The following MDGA1 variants were observed in gnomAD, a reference collection of about 807,000 sequenced individuals.
MDGA1 encodes the protein MAM domain-containing glycosylphosphatidylinositol anchor protein 1.
In MDGA1, 54 loss-of-function variants were observed where a neutral mutation model predicts 101.5. That is an observed-to-expected ratio of 0.53 (90% CI 0.43 to 0.67). The LOEUF (loss-of-function observed/expected upper bound fraction) is 0.67, where lower values mean the gene tolerates loss of function less well. MDGA1 is among the 30% of genes least tolerant of loss of function. The pLI is 0.00. For synonymous variants in MDGA1, 533 were observed against 558.3 expected (o/e 0.95, Z 0.64); for missense variants, 1,083 against 1,323.8 (o/e 0.82, Z 2.82).
In MDGA1 at chr6:37,649,056, C is replaced by CA; in HGVS notation, c.1819_1820insT (p.Arg607LeufsTer112). ...GCACTCGTAGCTGCCGCTGCTGTCGCGAGTTACGGCGTCGAGGCGCAGCTC... is the reference window on the plus strand; with the variant it reads ...GCACTCGTAGCTGCCGCTGCTGTCGCAGAGTTACGGCGTCGAGGCGCAGCTC... On this transcript the variant is annotated frameshift_variant, in exon 9 of 17. Transcript: ENST00000434837. LOFTEE classifies it high-confidence loss of function. 6.5e-7 allele frequency: 1 copy of CA among 1,543,162 alleles called. No individual in the cohort carries two copies. The highest frequency in any genetic ancestry group is 8.7e-7 in the Non-Finnish European group (1 of 1,144,734).
Position 37,642,003 on chromosome 6 carries a change from C to T in MDGA1, c.2536+1806G>A, listed in dbSNP as rs183355799. 1.4e-4 allele frequency: 21 copies of T among 152,126 alleles called. 1 individual carries two copies. In the East Asian group the frequency reaches 2.1e-3, roughly 15 times the overall value. 9.4% of individuals were successfully genotyped at this position (152,126 alleles called of 1,614,324 possible). ...TATCTACATTTGCTTAAAGTCACTC[C>T]GTCTACCATTACGGCTGAGGAAAAC... On this transcript the variant is annotated intron_variant, in intron 14 of 16. Transcript: ENST00000434837.
At chr6:37,667,078 C>G (rs1440992641) in intron 1 of MDGA1, among the ~76,000 whole-genome samples, 6 of 152,172 alleles carry the variant, frequency 3.9e-5, no homozygotes, top group Admixed American at 3.9e-4. Flanking sequence ...TAGGGCCTTC[C>G]CCCAACACTG....
Position 37,660,036 on chromosome 6 carries a change from CT to C in MDGA1, c.208-1618del, listed in dbSNP as rs11438604. ...CAAAATTCTCAGTCTTTATCTCTCT[CT>C]TTTTTTTTTTTTAATCACTAGAGAT... is the stretch of plus-strand genomic sequence containing the variant. On this transcript the variant is annotated intron_variant, in intron 2 of 16. Transcript: ENST00000434837. 1.5e-3 allele frequency among the ~76,000 whole-genome samples: 216 copies of C among 142,896 alleles called. 1 individual carries two copies. Among genetic ancestry groups the C allele is most frequent in the African/African-American group, 4.7e-3 (175 of 37,134 alleles). 93.7% of individuals were successfully genotyped at this position (142,896 alleles called of 152,430 possible).
chr6:37,663,400 C>T (rs896175075), intron 2 of MDGA1, among the ~76,000 whole-genome samples: 8 of 152,196 alleles, frequency 5.3e-5, no homozygotes, highest in African/African-American at 1.9e-4. Context: ...GATTTTCACT[C>T]CTGAAGTTCC....
Position 37,639,724 on chromosome 6 carries a change from A to G in MDGA1, c.2537-1057T>C, listed in dbSNP as rs1002332972. On this transcript the variant is annotated intron_variant, in intron 14 of 16. Transcript: ENST00000434837. ...TTCTTTTTTCTGCATTATTTTCTTT[A>G]TAAGGCTTGGCACCAGTAGACTGTA... The G allele has an allele frequency of 2.0e-5, 3 of 152,080 alleles. No individual in the cohort carries two copies. In the East Asian group the frequency reaches 5.8e-4, roughly 29 times the overall value. The allele number at this position is 152,080 out of a possible 1,614,324, so 9.4% of individuals were successfully genotyped here. A position where few individuals can be genotyped will look rare whatever the true frequency, so the allele number is the denominator to read the frequency against.
chr6:37,696,806 C>T lies in MDGA1; in HGVS notation c.6G>A (p.Glu2=). 6.4e-7 allele frequency: 1 copy of T among 1,574,704 alleles called. No individual in the cohort carries two copies. Among genetic ancestry groups the T allele is most frequent in the African/African-American group, 1.3e-5 (1 of 74,184 alleles). ...GCGCCAGAAGTAGAAGGCAGGTCAC[C>T]TCCATCTTCACGGCCGGTGCTTCAT... M[E]VTCLLLLALI... is the part of the protein sequence containing the mutation. The change falls in exon 1 of 17, where the codon GAG becomes GAA. Residue 2 remains glutamate (E), a synonymous_variant. Coordinates refer to ENST00000434837, the MANE Select transcript of MDGA1 (RefSeq NM_153487.4). The surrounding 1 kb of genome is among the most constrained non-coding windows in gnomAD (Gnocchi z 5.6).
chr6:37,655,884 G>T lies in MDGA1; in HGVS notation c.395C>A (p.Pro132Gln). Residue 132 changes from proline (P) to glutamine (Q), a missense_variant, in exon 4 of 17, where the codon CCA becomes CAA. Around this residue, in one of 3 missense-constraint regions of MDGA1, gnomAD observed 310 missense variants for 355.9 expected, o/e 0.87. Coordinates refer to ENST00000434837, the MANE Select transcript of MDGA1 (RefSeq NM_153487.4). This position sits in a 1 kb window ranked among gnomAD's most constrained non-coding sequence, Gnocchi z 5.1. ...IRVDVQYLDE[P>Q]MLTVHQTVSD... is the part of the protein sequence containing the mutation. The stretch of plus-strand genomic sequence containing the variant: ...CACCGTCTGGTGCACCGTCAGCATT[G>T]GCTCATCCAGGTCTGCAAGGGCACA... The T allele has an allele frequency of 1.9e-6, 3 of 1,612,272 alleles. No homozygotes were observed. Among genetic ancestry groups the T allele is most frequent in the Non-Finnish European group, 2.5e-6 (3 of 1,179,114 alleles).
At chr6:37,648,740 A>G in intron 9 of MDGA1, 1 of 643,920 alleles carries the variant, frequency 1.6e-6, no homozygotes, top group Non-Finnish European at 2.5e-6. Flanking sequence ...GTGTGAGTGG[A>G]GGGGCGTGGC....
chr6:37,647,450 A>T, intron 9 of MDGA1, 126 bp from the exon 10 acceptor site: 1 of 628,820 alleles, frequency 1.6e-6, no homozygotes, highest in South Asian at 2.0e-5. Context: ...AAACAAAGAG[A>T]AAGGGAATAT....
chr6:37,653,976 T>TAA (rs34929120), intron 6 of MDGA1, among the ~76,000 whole-genome samples: 22 of 150,546 alleles, frequency 1.5e-4, no homozygotes, highest in African/African-American at 3.9e-4. Flanking sequence ...TTCCCAATCT[T>TAA]AAAAAAAAAA....
At chr6:37,680,996 GC>G (rs61618174) in intron 1 of MDGA1, among the ~76,000 whole-genome samples, 55,987 of 145,250 alleles carry the variant, frequency 0.39, 10,574 homozygotes, top group African/African-American at 0.42. Flanking sequence ...TTCCTCCTCA[GC>G]CCCCCCCCCC....
At chr6:37,694,241 A>G (rs1762372401) in intron 1 of MDGA1, among the ~76,000 whole-genome samples, 1 of 152,214 alleles carries the variant, frequency 6.6e-6, no homozygotes, top group Admixed American at 6.5e-5. Flanking sequence ...CTAGGGCTGC[A>G]GGATAGGACT....
intron 1 of MDGA1, among the ~76,000 whole-genome samples, chr6:37,666,977 C>T (rs1307275324): frequency 1.3e-5 from 2 of 152,140 alleles, no homozygotes; most frequent in African/African-American, 4.8e-5. Flanking sequence ...CACTACCAAC[C>T]CTAAGAACTC....
chr6:37,648,242 C>T (rs915963519), intron 9 of MDGA1: 1 of 152,362 alleles, frequency 6.6e-6, no homozygotes, highest in Admixed American at 6.5e-5. Flanking sequence ...CGTGTGCTGT[C>T]TGGCCCAGTG....
At chr6:37,648,932 C>G (rs1397778379) in intron 9 of MDGA1, 50 bp downstream of exon 9, 5 of 1,531,612 alleles carry the variant, frequency 3.3e-6, no homozygotes, top group Non-Finnish European at 4.4e-6. Flanking sequence ...GGGGCAGAGC[C>G]TGGCCCCTGG....
chr6:37,689,073 G>C (rs1440373062), intron 1 of MDGA1, among the ~76,000 whole-genome samples: 1 of 152,138 alleles, frequency 6.6e-6, no homozygotes, highest in East Asian at 1.9e-4. Flanking sequence ...CTGTGCTGCA[G>C]CTGCCCCGAG....
chr6:37,672,113 C>G (rs1761882243), intron 1 of MDGA1, among the ~76,000 whole-genome samples: 1 of 151,638 alleles, frequency 6.6e-6, no homozygotes, highest in Non-Finnish European at 1.5e-5. Flanking sequence ...TGCACTCCAA[C>G]CTGGGTGACA....
chr6:37,650,047 C>G, intron 8 of MDGA1, 62 bp downstream of exon 8: 1 of 1,601,996 alleles, frequency 6.2e-7, no homozygotes, highest in Non-Finnish European at 8.5e-7. Context: ...GAAGAGGGGA[C>G]AGGCCGGCTG....
Position 37,654,392 on chromosome 6 carries a change from G to A in MDGA1, c.864C>T (p.Ala288=), listed in dbSNP as rs774963005. The change falls in exon 6 of 17, where the codon GCC becomes GCT. Residue 288 remains alanine, a synonymous_variant. Coordinates refer to ENST00000434837, the MANE Select transcript of MDGA1 (RefSeq NM_153487.4). ...GPGPLPLGAL[A]QGGTLSIPSV... ...AAGGGATGCTGAGGGTGCCACCCTG[G>A]GCCAGAGCACCCAGGGGCAGTGGGC... The A allele has an allele frequency of 5.6e-6, 9 of 1,613,730 alleles. No individual in the cohort carries two copies. The highest frequency in any genetic ancestry group is 7.6e-6 in the Non-Finnish European group (9 of 1,179,834).
Sources: allele counts gnomAD v4.1 joint callset (sites outside exome capture counted in the v4.1 genomes callset), GRCh38; gene constraint gnomAD v4.1.1; regional missense constraint gnomAD v4.1.1; non-coding constraint Gnocchi (gnomAD v3.1); transcripts MANE v1.5; gene names NCBI Gene and HGNC (gene_info 2026-07-23, HGNC 2026-07-21).